The following GPHN variants were observed in gnomAD, a reference collection of about 807,000 sequenced individuals.
GPHN encodes the protein gephyrin.
A neutral mutation model predicts 95.5 loss-of-function variants in GPHN; 17 were observed. The ratio of observed to expected loss-of-function variants is 0.18; its 90% CI spans 0.12 to 0.27. The LOEUF is 0.27. Ranked by LOEUF, GPHN falls within the 10% of genes least tolerant of loss-of-function variation. The pLI is 1.00. For synonymous variants in GPHN, 320 were observed against 322.5 expected (o/e 0.99, Z 0.08); for missense variants, 660 against 978.1 (o/e 0.67, Z 4.34).
intron 11 of GPHN, among the ~76,000 whole-genome samples, chr14:67,059,924 A>G (rs867446501): frequency 1.3e-5 from 2 of 152,172 alleles, no homozygotes; most frequent in African/African-American, 4.8e-5. Context: ...GGAATTAACT[A>G]TGTGATTTCA....
intron 2 of GPHN, among the ~76,000 whole-genome samples, chr14:66,747,835 T>A (rs1160174731): frequency 6.6e-6 from 1 of 152,096 alleles, no homozygotes; most frequent in Non-Finnish European, 1.5e-5. Flanking sequence ...TATTTCATAT[T>A]TTTGTAAATG....
chr14:67,359,693 C>G, the GPHN span: 1 of 1,613,940 alleles, frequency 6.2e-7, no homozygotes, highest in South Asian at 1.1e-5. Context: ...GGTCTTTGCC[C>G]GACATTCTGA....
rs377526227 is a variant in GPHN at position 66,945,671 on chromosome 14, G to A, written c.829-19520G>A. Reference sequence around the variant, plus strand: ...AAAAACAAAAGTGAGCAAAAGATTCGAATAGACATTTCTCAAAGAAGATTT... The same window carrying A: ...AAAAACAAAAGTGAGCAAAAGATTCAAATAGACATTTCTCAAAGAAGATTT... On this transcript the variant is annotated intron_variant, in intron 8 of 22. Coordinates refer to ENST00000478722, the MANE Select transcript of GPHN (RefSeq NM_020806.5). 2.1e-3 allele frequency among the ~76,000 whole-genome samples: 327 copies of A among 152,194 alleles called. 1 individual carries two copies. Among genetic ancestry groups the A allele is most frequent in the Non-Finnish European group, 4.1e-3 (278 of 68,004 alleles).
At chr14:66,928,307 A>G (rs1346452000) in intron 8 of GPHN, among the ~76,000 whole-genome samples, 3 of 152,126 alleles carry the variant, frequency 2.0e-5, no homozygotes, top group Non-Finnish European at 4.4e-5. Flanking sequence ...TTTCCAACTT[A>G]TTGGCATATA....
At position 66,508,360 on chromosome 14, in the gene GPHN, C is replaced by G. The variant is rs908542796; in HGVS notation, c.-168C>G. ...CGCACTCCCGGCGCGGCCTCTCCCC[C>G]ACGCAGGCCACCGTGCACTCTGTGG... On this transcript the variant is annotated 5_prime_UTR_variant, in exon 1 of 23. Coordinates refer to ENST00000478722, the MANE Select transcript of GPHN (RefSeq NM_020806.5). 17 of 693,964 alleles carry G rather than the reference C, an allele frequency of 2.4e-5. No homozygotes were observed. Among genetic ancestry groups the G allele is most frequent in the African/African-American group, 1.1e-4 (6 of 56,724 alleles). 43.0% of individuals were successfully genotyped at this position (693,964 alleles called of 1,614,324 possible).
chr14:67,326,458 C>G, the GPHN span, among the ~76,000 whole-genome samples: 1 of 151,844 alleles, frequency 6.6e-6, no homozygotes, highest in African/African-American at 2.4e-5. Context: ...CTAATTAGAA[C>G]TTTCTGATTC....
Position 66,939,090 on chromosome 14 carries a change from G to T in GPHN, c.828+14798G>T, listed in dbSNP as rs72730419. Among the ~76,000 whole-genome samples the T allele has an allele frequency of 9.8e-3, 1,484 of 152,200 alleles. 9 individuals are homozygous for T. The highest frequency in any genetic ancestry group is 0.015 in the Non-Finnish European group (994 of 68,004). ...AGCTAAGACCCACAATACAACTCTT[G>T]GAGTCAAAACTTTATGACATTGGAT... On this transcript the variant is annotated intron_variant, in intron 8 of 22. Transcript: ENST00000478722.
the GPHN span, among the ~76,000 whole-genome samples, chr14:67,655,795 G>A: frequency 6.6e-6 from 1 of 152,148 alleles, no homozygotes; most frequent in African/African-American, 2.4e-5. Context: ...AGAGAATGCA[G>A]CCACTTTATC....
intron 1 of GPHN, among the ~76,000 whole-genome samples, chr14:66,536,353 A>G (rs748610549): frequency 1.3e-5 from 2 of 152,144 alleles, no homozygotes; most frequent in Non-Finnish European, 2.9e-5. Context: ...GATGTGGTGA[A>G]TTACATTGAT....
chr14:67,240,640 A>T, the GPHN span, among the ~76,000 whole-genome samples: 1 of 152,184 alleles, frequency 6.6e-6, no homozygotes. Flanking sequence ...TTCTCCTTAG[A>T]ACGTCCTCCA....
intron 2 of GPHN, among the ~76,000 whole-genome samples, chr14:66,768,076 A>G (rs1021476182): frequency 1.3e-5 from 2 of 151,968 alleles, no homozygotes; most frequent in African/African-American, 4.8e-5. Context: ...TCTAAAATAT[A>G]CAAAGATTTA....
At chr14:66,794,061 T>C (rs889615493) in intron 3 of GPHN, among the ~76,000 whole-genome samples, 110 of 152,258 alleles carry the variant, frequency 7.2e-4, no homozygotes, top group African/African-American at 2.5e-3. Flanking sequence ...TATTCAGAGA[T>C]ACATATGGAT....
At chr14:66,803,183 G>C (rs2060421597) in intron 3 of GPHN, among the ~76,000 whole-genome samples, 1 of 152,178 alleles carries the variant, frequency 6.6e-6, no homozygotes, top group African/African-American at 2.4e-5. Context: ...GTTTTATCCA[G>C]TTTCGCTTTC....
At chr14:66,960,990 C>G (rs952782083) in intron 8 of GPHN, among the ~76,000 whole-genome samples, 2 of 152,012 alleles carry the variant, frequency 1.3e-5, no homozygotes, top group Non-Finnish European at 2.9e-5. Context: ...CAAACATTAC[C>G]CAATGAATAG....
At chr14:66,938,735 C>T (rs2067249657) in intron 8 of GPHN, among the ~76,000 whole-genome samples, 1 of 152,142 alleles carries the variant, frequency 6.6e-6, no homozygotes, top group African/African-American at 2.4e-5. Flanking sequence ...GCTTAATAAG[C>T]ATAATCTTCA....
At chr14:66,713,991 A>G (rs1419022017) in intron 2 of GPHN, among the ~76,000 whole-genome samples, 1 of 152,124 alleles carries the variant, frequency 6.6e-6, no homozygotes, top group African/African-American at 2.4e-5. Flanking sequence ...CTGGTTTCAC[A>G]ATCCTCACCT....
chr14:67,636,896 T>G, the GPHN span, among the ~76,000 whole-genome samples: 1 of 152,334 alleles, frequency 6.6e-6, no homozygotes, highest in Admixed American at 6.5e-5. Flanking sequence ...AGAGCAGCAA[T>G]GAAACACTAG....
chr14:66,607,071 G>A (rs531684614), intron 1 of GPHN, among the ~76,000 whole-genome samples: 1 of 152,248 alleles, frequency 6.6e-6, no homozygotes, highest in Admixed American at 6.5e-5. Context: ...GATGTTGGCT[G>A]TGGGTTTTTC....
At chr14:66,558,503 A>AG (rs2060097860) in intron 1 of GPHN, among the ~76,000 whole-genome samples, 1 of 152,148 alleles carries the variant, frequency 6.6e-6, no homozygotes, top group Non-Finnish European at 1.5e-5. Flanking sequence ...GATATTCATC[A>AG]AACCCCTGTA....
Sources: gnomAD v4.1 joint callset for allele counts (sites outside exome capture counted in the v4.1 genomes callset) on GRCh38, gnomAD v4.1.1 for gene constraint, MANE v1.5 for transcripts, NCBI Gene and HGNC (gene_info 2026-07-23, HGNC 2026-07-21) for gene names.